EXPH5: variants seen among roughly 807,000 people sequenced by gnomAD.
The protein encoded by EXPH5 is exophilin 5, also known as exophilin-5.
Under a neutral mutation model 41.1 loss-of-function variants are expected in EXPH5, and 42 were observed. The observed-to-expected ratio is 1.02, with a 90% CI of 0.80 to 1.32. EXPH5 has a LOEUF of 1.32. Ranked by LOEUF, EXPH5 falls within the 40% of genes most tolerant of loss-of-function variation. EXPH5 has a pLI of 0.00. For missense variants in EXPH5, 2,298 were observed against 2,314.5 expected (o/e 0.99, Z 0.15); for synonymous variants, 798 against 833.5 (o/e 0.96, Z 0.73).
chr11:108,542,118 G>C (rs1417025911), intron 1 of EXPH5, among the ~76,000 whole-genome samples: 1 of 152,068 alleles, frequency 6.6e-6, no homozygotes, highest in Non-Finnish European at 1.5e-5. Context: ...GAGCTCAAGC[G>C]ATCTGCATGC....
intron 1 of EXPH5, among the ~76,000 whole-genome samples, chr11:108,572,351 C>T (rs7937685): frequency 0.014 from 2,091 of 152,260 alleles, 53 homozygotes; most frequent in African/African-American, 0.048. Flanking sequence ...TGTCCCCTGA[C>T]TGGTTTCTCT....
Position 108,509,237 on chromosome 11 carries a change from T to C in EXPH5, c.*300A>G, listed in dbSNP as rs749537009. 15 of 245,840 alleles carry C rather than the reference T, an allele frequency of 6.1e-5. No individual in the cohort carries two copies. Among genetic ancestry groups the C allele is most frequent in the Non-Finnish European group, 8.5e-5 (11 of 128,998 alleles). 15.2% of individuals were successfully genotyped at this position (245,840 alleles called of 1,614,324 possible). A position where few individuals can be genotyped will look rare whatever the true frequency, so the allele number is the denominator to read the frequency against. ...AAGATGAAAAATGTTAGGAGGGAAG[T>C]AAAGCAGAAAGCCCAAATCAGACAG... On this transcript the variant is annotated 3_prime_UTR_variant, in exon 6 of 6. Coordinates refer to ENST00000265843, the MANE Select transcript of EXPH5 (RefSeq NM_015065.3).
rs2640785 is a variant in EXPH5, at chr11:108,539,057, T to A, written c.410A>T (p.Glu137Val). The A allele has an allele frequency of 0.19, 306,715 of 1,604,016 alleles. 36,609 individuals carry two copies. The highest frequency in any genetic ancestry group is 0.59 in the East Asian group (26,484 of 44,708). Residue 137 changes from glutamate to valine, a missense_variant, in exon 3 of 6, where the codon GAG (glutamate) becomes GTG (valine). Transcript: ENST00000265843. ...TCCCAGTGATGGAAGCTTTGAAGTC[T>A]CCTTTCCAGATTTCCTGAATGAGAA... ...SLFSFRKSGK[E>V]TSKLPSLGQK... is the part of the protein sequence containing the mutation.
the EXPH5 span, among the ~76,000 whole-genome samples, chr11:108,601,136 G>A: frequency 2.6e-5 from 4 of 152,162 alleles, no homozygotes; most frequent in African/African-American, 9.7e-5. Flanking sequence ...TACTAATTGA[G>A]CAGAAAATGT....
chr11:108,548,529 G>A (rs2093949152), intron 1 of EXPH5, among the ~76,000 whole-genome samples: 1 of 152,154 alleles, frequency 6.6e-6, no homozygotes, highest in African/African-American at 2.4e-5. Context: ...TGATGAACAG[G>A]TACAGTCATC....
At chr11:108,560,667 A>G (rs2094007628) in intron 1 of EXPH5, among the ~76,000 whole-genome samples, 1 of 152,206 alleles carries the variant, frequency 6.6e-6, no homozygotes, top group Admixed American at 6.6e-5. Context: ...AGTCACATTT[A>G]TTTACCAAAA....
intron 1 of EXPH5, among the ~76,000 whole-genome samples, chr11:108,577,822 T>C (rs1315641902): frequency 6.6e-6 from 1 of 152,240 alleles, no homozygotes; most frequent in African/African-American, 2.4e-5. Flanking sequence ...TTCATATGCC[T>C]ATTGGCCACT....
chr11:108,599,721 C>G, the EXPH5 span, among the ~76,000 whole-genome samples: 1 of 152,220 alleles, frequency 6.6e-6, no homozygotes, highest in Non-Finnish European at 1.5e-5. Context: ...AGTGCCCTTT[C>G]AATAACAATC....
the EXPH5 span, among the ~76,000 whole-genome samples, chr11:108,601,394 C>A: frequency 1.3e-5 from 2 of 152,076 alleles, no homozygotes; most frequent in Non-Finnish European, 2.9e-5. Flanking sequence ...TAAAGAAATA[C>A]AAATAAAAAT....
At chr11:108,563,781 G>A (rs750336236) in intron 1 of EXPH5, among the ~76,000 whole-genome samples, 14 of 152,194 alleles carry the variant, frequency 9.2e-5, no homozygotes, top group African/African-American at 3.4e-4. Flanking sequence ...TGGGGAAAGG[G>A]AAAAGGATCA....
chr11:108,548,874 A>C (rs138615837), intron 1 of EXPH5, among the ~76,000 whole-genome samples: 78 of 152,338 alleles, frequency 5.1e-4, no homozygotes, highest in African/African-American at 1.9e-3. Context: ...AAGTAAGAAA[A>C]AATTCTAAAC....
intron 1 of EXPH5, among the ~76,000 whole-genome samples, chr11:108,584,148 C>A (rs935487795): frequency 6.6e-6 from 1 of 152,058 alleles, no homozygotes; most frequent in Admixed American, 6.6e-5. Context: ...CAGTAAAACA[C>A]CTTTGAGAGT....
upstream of EXPH5, among the ~76,000 whole-genome samples, chr11:108,594,116 G>C (rs2094135182): frequency 6.6e-6 from 1 of 152,162 alleles, no homozygotes; most frequent in Non-Finnish European, 1.5e-5. Flanking sequence ...AGTAGGGTTT[G>C]TAACTGGCAA....
At chr11:108,597,893 C>T (rs531118076), upstream of EXPH5, among the ~76,000 whole-genome samples, 10 of 152,198 alleles carry the variant, frequency 6.6e-5, 2 homozygotes, top group South Asian at 2.1e-3. Context: ...CCATGTGTGG[C>T]TTCATTCAAA....
rs1405413205 is a variant in EXPH5 at position 108,506,104 on chromosome 11, G to A, written c.*3433C>T. The A allele has an allele frequency of 6.6e-6, 1 of 152,052 alleles. No individual in the cohort carries two copies. The highest frequency in any genetic ancestry group is 1.9e-4 in the East Asian group (1 of 5,200). The allele number at this position is 152,052 out of a possible 1,614,324, so 9.4% of individuals were successfully genotyped here. A position where few individuals can be genotyped will look rare whatever the true frequency, so the allele number is the denominator to read the frequency against. The stretch of plus-strand genomic sequence containing the variant: ...AATTTATAAGGTATTTATTACGATT[G>A]ATTCCCCTATGATTTACTCCATTTA... On this transcript the variant is annotated 3_prime_UTR_variant, in exon 6 of 6. Coordinates refer to ENST00000265843, the MANE Select transcript of EXPH5 (RefSeq NM_015065.3).
At chr11:108,546,823 A>T (rs112729975) in intron 1 of EXPH5, among the ~76,000 whole-genome samples, 2 of 144,766 alleles carry the variant, frequency 1.4e-5, no homozygotes, top group African/African-American at 2.5e-5. Flanking sequence ...ATTTTCTATT[A>T]TTTTTTTTTT....
rs144843254 is a variant in EXPH5 at position 108,555,738 on chromosome 11, A to G, written c.120-13926T>C. Among the ~76,000 whole-genome samples the G allele has an allele frequency of 8.7e-4, 133 of 152,226 alleles. 1 individual carries two copies. The Middle Eastern group carries it at 0.017, about 20-fold the overall frequency. On this transcript the variant is annotated intron_variant, in intron 1 of 5. Transcript: ENST00000265843. Reference sequence around the variant, plus strand: ...AGTTCTCAGGAGATCTTATGGTTTTATAAGGGGTTTATCTCACTTCACTCG... The same window carrying G: ...AGTTCTCAGGAGATCTTATGGTTTTGTAAGGGGTTTATCTCACTTCACTCG...
chr11:108,515,003 TA>T, intron 5 of EXPH5, 128 bp from the exon 6 acceptor site: 1 of 488,604 alleles, frequency 2.0e-6, no homozygotes, highest in Non-Finnish European at 3.3e-6. Context: ...ATTATCATGT[TA>T]TAACATTAAT....
Position 108,575,256 on chromosome 11 carries a change from A to G in EXPH5, c.119+18162T>C, listed in dbSNP as rs987468029. On this transcript the variant is annotated intron_variant, in intron 1 of 5. Transcript: ENST00000265843. Reference sequence around the variant, plus strand: ...GTTTTAAAAAGTAATACCACCATCCAGGGATAGAAAGGATTCGTTAAAACA... The same window carrying G: ...GTTTTAAAAAGTAATACCACCATCCGGGGATAGAAAGGATTCGTTAAAACA... Among the ~76,000 whole-genome samples the G allele has an allele frequency of 5.3e-5, 8 of 152,340 alleles. No individual in the cohort carries two copies. The South Asian group carries it at 6.2e-4, about 12-fold the overall frequency.
Sources: allele counts gnomAD v4.1 joint callset (sites outside exome capture counted in the v4.1 genomes callset), GRCh38; gene constraint gnomAD v4.1.1; transcripts MANE v1.5; gene names NCBI Gene and HGNC (gene_info 2026-07-23, HGNC 2026-07-21).